SMAP1: variants seen among roughly 807,000 people sequenced by gnomAD.
SMAP1 encodes the protein stromal membrane-associated protein 1.
SMAP1 carries 24 observed loss-of-function variants against 58.5 expected under a neutral mutation model. The ratio of observed to expected loss-of-function variants is 0.41; its 90% CI spans 0.30 to 0.58. The LOEUF (loss-of-function observed/expected upper bound fraction) is 0.58. Ranked by LOEUF, SMAP1 falls within the 20% of genes least tolerant of loss-of-function variation. The pLI, the probability that SMAP1 is intolerant of heterozygous loss-of-function variation, is 0.29. For missense variants in SMAP1, 563 were observed against 566.3 expected (o/e 0.99, Z 0.06); for synonymous variants, 216 against 196.6 (o/e 1.10, Z -0.82).
intron 4 of SMAP1, 56 bp from the exon 5 acceptor site, chr6:70,791,633 T>C (rs45559440): frequency 0.013 from 18,181 of 1,448,486 alleles, 151 homozygotes; most frequent in Non-Finnish European, 0.016. Context: ...TGCCTGTCAA[T>C]TCTCATTACC....
intron 5 of SMAP1, among the ~76,000 whole-genome samples, chr6:70,792,326 ATTTTT>A (rs70990333): frequency 1.7e-4 from 24 of 140,172 alleles, no homozygotes; most frequent in African/African-American, 6.0e-4. Context: ...CTCTTTACCT[ATTTTT>A]TTTTTTTTTT....
intron 3 of SMAP1, among the ~76,000 whole-genome samples, chr6:70,756,590 T>C (rs918916262): frequency 6.6e-6 from 1 of 152,022 alleles, no homozygotes; most frequent in African/African-American, 2.4e-5. Context: ...TGGAAGGTAT[T>C]TTGGTCCAAA....
rs1771729577 is a variant in SMAP1 at position 70,861,582 on chromosome 6, A to ATGCTC, written c.*1251_*1255dup. The ATGCTC allele has an allele frequency of 2.3e-6, 3 of 1,278,778 alleles. No homozygotes were observed. In the South Asian group the frequency reaches 4.0e-5, roughly 17 times the overall value. 79.2% of individuals were successfully genotyped at this position (1,278,778 alleles called of 1,614,324 possible). Reference sequence around the variant, plus strand: ...CTGAAGTAAAACAAACAATACCTGAATGCTCTGTAGCCTAAACTCCAAACA... The same window carrying ATGCTC: ...CTGAAGTAAAACAAACAATACCTGAATGCTCTGCTCTGTAGCCTAAACTCCAAACA... On this transcript the variant is annotated 3_prime_UTR_variant, in exon 11 of 11. Coordinates refer to ENST00000370455, the MANE Select transcript of SMAP1 (RefSeq NM_001044305.3).
chr6:70,858,750 G>T (rs1424961764), intron 10 of SMAP1: 1 of 152,818 alleles, frequency 6.5e-6, no homozygotes. Context: ...CCATGGCTCT[G>T]TAAAAATTCT....
intron 1 of SMAP1, among the ~76,000 whole-genome samples, chr6:70,713,747 G>C (rs200441374): frequency 6.6e-6 from 1 of 151,998 alleles, no homozygotes; most frequent in African/African-American, 2.4e-5. Flanking sequence ...GTATAGGCTT[G>C]TCAAGTTTAT....
At chr6:70,758,382 A>AG (rs1246167898) in intron 3 of SMAP1, among the ~76,000 whole-genome samples, 3 of 71,866 alleles carry the variant, frequency 4.2e-5, no homozygotes, top group African/African-American at 1.7e-4. Context: ...GGGTGGGGGG[A>AG]GGGGGGAGGG....
chr6:70,672,541 G>T (rs1419466266), intron 1 of SMAP1, among the ~76,000 whole-genome samples: 1 of 152,108 alleles, frequency 6.6e-6, no homozygotes, highest in Non-Finnish European at 1.5e-5. Flanking sequence ...CATTATTTAG[G>T]TAATTATGGG....
chr6:70,793,622 A>G lies in SMAP1; in HGVS notation c.495+1853A>G, dbSNP rs191540010. On this transcript the variant is annotated intron_variant, in intron 5 of 10. Coordinates refer to ENST00000370455, the MANE Select transcript of SMAP1 (RefSeq NM_001044305.3). Reference sequence around the variant, plus strand: ...GATATACAGGTCTAGGCCCATGGGAAAGAAAAGGGGAGGAGAGTAGTTAGA... The same window carrying G: ...GATATACAGGTCTAGGCCCATGGGAGAGAAAAGGGGAGGAGAGTAGTTAGA... Among the ~76,000 whole-genome samples, 22 of 149,394 alleles carry G rather than the reference A, an allele frequency of 1.5e-4. No individual in the cohort carries two copies. In the East Asian group the frequency reaches 4.1e-3, roughly 28 times the overall value.
chr6:70,759,771 AT>A (rs1766670313), intron 3 of SMAP1: 1 of 320,254 alleles, frequency 3.1e-6, no homozygotes, highest in Non-Finnish European at 6.5e-6. Flanking sequence ...GAAAGATGAG[AT>A]TTTTATAGTG....
intron 4 of SMAP1, among the ~76,000 whole-genome samples, chr6:70,789,033 T>C (rs1417289575): frequency 6.6e-6 from 1 of 152,174 alleles, no homozygotes; most frequent in South Asian, 2.1e-4. Flanking sequence ...ATTTGTTTTC[T>C]CCTTTTCACT....
intron 6 of SMAP1, among the ~76,000 whole-genome samples, chr6:70,801,696 G>T (rs1427990638): frequency 1.3e-5 from 2 of 152,190 alleles, no homozygotes; most frequent in Non-Finnish European, 2.9e-5. Flanking sequence ...TGCATATGAA[G>T]TGTAAGAAGG....
chr6:70,668,196 T>G, intron 1 of SMAP1, 55 bp downstream of exon 1: 2 of 1,463,172 alleles, frequency 1.4e-6, no homozygotes, highest in Non-Finnish European at 1.9e-6. Flanking sequence ...CCGGTGACCT[T>G]CCCGCCGCTG....
chr6:70,850,070 G>A (rs1771127540), intron 7 of SMAP1, among the ~76,000 whole-genome samples: 1 of 152,202 alleles, frequency 6.6e-6, no homozygotes, highest in Non-Finnish European at 1.5e-5. Flanking sequence ...GATACCAAAT[G>A]TGGTTTAGAT....
At chr6:70,784,059 C>T (rs978373210) in intron 4 of SMAP1, among the ~76,000 whole-genome samples, 4 of 152,060 alleles carry the variant, frequency 2.6e-5, no homozygotes, top group Non-Finnish European at 4.4e-5. Flanking sequence ...AGAGAAAGGT[C>T]GGGTTACCCA....
At chr6:70,713,974 C>T (rs946043113) in intron 1 of SMAP1, among the ~76,000 whole-genome samples, 3 of 152,030 alleles carry the variant, frequency 2.0e-5, no homozygotes, top group Non-Finnish European at 4.4e-5. Context: ...TTGAATTGAT[C>T]CTTTTGTCAT....
chr6:70,729,534 C>T (rs1050432515), intron 1 of SMAP1, among the ~76,000 whole-genome samples: 1 of 145,782 alleles, frequency 6.9e-6, no homozygotes, highest in Non-Finnish European at 1.5e-5. Context: ...GTCCTATATT[C>T]TAAATCGCCT....
chr6:70,714,811 G>C (rs563867133), intron 1 of SMAP1, among the ~76,000 whole-genome samples: 11 of 152,042 alleles, frequency 7.2e-5, no homozygotes, highest in Non-Finnish European at 1.5e-4. Flanking sequence ...AAGTACCTTG[G>C]CTTTTATTGG....
rs533047776 is a variant in SMAP1 at position 70,829,264 on chromosome 6, C to CTTTTTG, written c.577-7659_577-7654dup. 2.6e-3 allele frequency among the ~76,000 whole-genome samples: 393 copies of CTTTTTG among 150,378 alleles called. 1 individual carries two copies. The highest frequency in any genetic ancestry group is 6.4e-3 in the African/African-American group (263 of 40,926). On this transcript the variant is annotated intron_variant, in intron 6 of 10. Transcript: ENST00000370455. The stretch of plus-strand genomic sequence containing the variant: ...TTTTTTCTGTTTTTTTCTTTGTCTT[C>CTTTTTG]TTTTTGTTTTTGTTTTTGTTTTTTT...
chr6:70,837,178 C>CA (rs1422872307), intron 7 of SMAP1, 150 bp downstream of exon 7: 8 of 515,324 alleles, frequency 1.6e-5, no homozygotes, highest in Non-Finnish European at 2.6e-5. Context: ...TAACTTCCCA[C>CA]AAAAAAGAAA....
Sources: allele counts gnomAD v4.1 joint callset (sites outside exome capture counted in the v4.1 genomes callset), GRCh38; gene constraint gnomAD v4.1.1; transcripts MANE v1.5; gene names NCBI Gene and HGNC (gene_info 2026-07-23, HGNC 2026-07-21).